The following RALGPS1 variants were observed in gnomAD, a reference collection of about 807,000 sequenced individuals.
RALGPS1 encodes Ral GEF with PH domain and SH3 binding motif 1, also known as ras-specific guanine nucleotide-releasing factor RalGPS1.
Under a neutral mutation model 78.8 loss-of-function variants are expected in RALGPS1, and 19 were observed. The ratio of observed to expected loss-of-function variants is 0.24; its 90% CI spans 0.17 to 0.35. RALGPS1 has a LOEUF of 0.35. Ranked by LOEUF, RALGPS1 falls within the 10% of genes least tolerant of loss-of-function variation. RALGPS1 has a pLI of 1.00. For synonymous variants in RALGPS1, 228 were observed against 256.3 expected (o/e 0.89, Z 1.06); for missense variants, 454 against 688.3 (o/e 0.66, Z 3.81).
chr9:127,107,897 G>A (rs375862069), intron 8 of RALGPS1: 17 of 1,517,028 alleles, frequency 1.1e-5, no homozygotes, highest in African/African-American at 8.3e-5. Flanking sequence ...CATGTAACAC[G>A]ATCCCAGAAG....
intron 8 of RALGPS1, among the ~76,000 whole-genome samples, chr9:127,095,130 G>C (rs1236650586): frequency 6.6e-6 from 1 of 152,224 alleles, no homozygotes; most frequent in Non-Finnish European, 1.5e-5. Context: ...CGGGCACGGT[G>C]GCTCACGCCT....
intron 2 of RALGPS1, among the ~76,000 whole-genome samples, chr9:126,963,976 C>T (rs1462551036): frequency 6.6e-6 from 1 of 152,196 alleles, no homozygotes; most frequent in Non-Finnish European, 1.5e-5. Flanking sequence ...CCAGCAGCAT[C>T]AGGAGAAATC....
chr9:127,193,225 A>T (rs961257755), intron 11 of RALGPS1, among the ~76,000 whole-genome samples: 4 of 152,182 alleles, frequency 2.6e-5, no homozygotes, highest in African/African-American at 9.7e-5. Context: ...GGAGGTGTGC[A>T]TGGCCACTGC....
intron 5 of RALGPS1, among the ~76,000 whole-genome samples, chr9:127,044,258 T>C (rs2047560941): frequency 6.6e-6 from 1 of 152,092 alleles, no homozygotes; most frequent in African/African-American, 2.4e-5. Flanking sequence ...ATGAATCTTT[T>C]TTTTTTTCTT....
rs745937909 is a variant in RALGPS1, at chr9:127,091,740, C to T, written c.610+22384C>T. On this transcript the variant is annotated intron_variant, in intron 8 of 18. Coordinates refer to ENST00000259351, the MANE Select transcript of RALGPS1 (RefSeq NM_014636.3). This position sits in a 1 kb window ranked among gnomAD's most constrained non-coding sequence, Gnocchi z 4.3. ...CGTTGTGCCATGTAAAGGAGTCACC[C>T]GCATTGCCATGGTAGCGCCCCAGCC... The T allele has an allele frequency of 1.1e-5, 18 of 1,613,954 alleles. No homozygotes were observed. Among genetic ancestry groups the T allele is most frequent in the Admixed American group, 1.0e-4 (6 of 59,992 alleles).
At position 126,962,360 on chromosome 9, in the gene RALGPS1, A is replaced by G. The variant is rs774030323; in HGVS notation, c.57+14A>G. ...GCCACTCCACAGGTACTGAGGCTGCAAGAATCGGGACAGTGGGTAGAGGGG... is the reference window on the plus strand; with the variant it reads ...GCCACTCCACAGGTACTGAGGCTGCGAGAATCGGGACAGTGGGTAGAGGGG... On this transcript the variant is annotated intron_variant, in intron 2 of 18. Transcript: ENST00000259351. 6.2e-7 allele frequency: 1 copy of G among 1,613,784 alleles called. No individual in the cohort carries two copies. The highest frequency in any genetic ancestry group is 8.5e-7 in the Non-Finnish European group (1 of 1,179,736).
At chr9:126,951,930 G>C (rs531095466) in intron 1 of RALGPS1, among the ~76,000 whole-genome samples, 1 of 152,208 alleles carries the variant, frequency 6.6e-6, no homozygotes, top group Admixed American at 6.5e-5. Flanking sequence ...CCCATTGTCT[G>C]AGCCCAAAAT....
chr9:126,939,686 C>T (rs1404739070), intron 1 of RALGPS1, among the ~76,000 whole-genome samples: 1 of 152,214 alleles, frequency 6.6e-6, no homozygotes, highest in Non-Finnish European at 1.5e-5. Flanking sequence ...GTTGGACTTC[C>T]AAGTCCTGTC....
At chr9:127,216,837 G>T (rs1241721683) in intron 18 of RALGPS1, 2 of 1,377,292 alleles carry the variant, frequency 1.5e-6, no homozygotes, top group African/African-American at 1.5e-5. Context: ...TGTGTCTGGG[G>T]TCCCTCAGTA....
intron 1 of RALGPS1, among the ~76,000 whole-genome samples, chr9:126,925,129 A>AAAATAAAT (rs545566022): frequency 2.0e-5 from 3 of 151,964 alleles, no homozygotes; most frequent in South Asian, 2.1e-4. Context: ...CTCCATCTCA[A>AAAATAAAT]AAATAAATAA....
At chr9:127,007,327 G>T (rs546127877) in intron 4 of RALGPS1, among the ~76,000 whole-genome samples, 1 of 152,184 alleles carries the variant, frequency 6.6e-6, no homozygotes, top group Non-Finnish European at 1.5e-5. Flanking sequence ...GTTATTCAAT[G>T]CCTTCTATGA....
chr9:127,185,249 TA>T (rs2060567712), intron 11 of RALGPS1, among the ~76,000 whole-genome samples: 1 of 152,136 alleles, frequency 6.6e-6, no homozygotes, highest in Non-Finnish European at 1.5e-5. Flanking sequence ...TGCCCCTTCC[TA>T]AAAATCTCTA....
chr9:127,217,368 A>C, intron 18 of RALGPS1: 1 of 999,392 alleles, frequency 1.0e-6, no homozygotes, highest in Non-Finnish European at 1.2e-6. Flanking sequence ...AGGATGATTT[A>C]AGTGAATCAC....
Position 127,091,678 on chromosome 9 carries a change from A to G in RALGPS1, c.610+22322A>G. 6.2e-7 allele frequency: 1 copy of G among 1,613,580 alleles called. No individual in the cohort carries two copies. ...GACTCCACTTTTCCTACCTGTGTAG[A>G]CATCATGATCTCTGTCCAGGGTGGT... On this transcript the variant is annotated intron_variant, in intron 8 of 18. Coordinates refer to ENST00000259351, the MANE Select transcript of RALGPS1 (RefSeq NM_014636.3). This position sits in a 1 kb window ranked among gnomAD's most constrained non-coding sequence, Gnocchi z 4.3.
At chr9:127,114,969 T>C (rs945256562) in intron 8 of RALGPS1, among the ~76,000 whole-genome samples, 1 of 152,146 alleles carries the variant, frequency 6.6e-6, no homozygotes, top group African/African-American at 2.4e-5. Flanking sequence ...TAGGGAAGTA[T>C]CCAAACCAGT....
At chr9:126,997,459 C>G (rs1227025831) in intron 4 of RALGPS1, among the ~76,000 whole-genome samples, 1 of 152,158 alleles carries the variant, frequency 6.6e-6, no homozygotes, top group Non-Finnish European at 1.5e-5. Flanking sequence ...ATCCAACTTA[C>G]AAGGGATGTG....
At chr9:127,140,746 A>C (rs927517464) in intron 8 of RALGPS1, among the ~76,000 whole-genome samples, 9 of 152,148 alleles carry the variant, frequency 5.9e-5, no homozygotes, top group East Asian at 3.8e-4. Context: ...ACCTCCCCCC[A>C]AAAAAATCTG....
At chr9:127,206,388 TAC>T (rs2061930871) in intron 14 of RALGPS1, among the ~76,000 whole-genome samples, 1 of 152,180 alleles carries the variant, frequency 6.6e-6, no homozygotes, top group Non-Finnish European at 1.5e-5. Context: ...TCAGGAAACT[TAC>T]AGTCATGGTG....
chr9:127,088,767 C>T lies in RALGPS1; in HGVS notation c.610+19411C>T, dbSNP rs370116348. The T allele has an allele frequency of 3.1e-4, 222 of 717,822 alleles. 2 individuals are homozygous for T. The South Asian group carries it at 3.8e-3, about 12-fold the overall frequency. 44.5% of individuals were successfully genotyped at this position (717,822 alleles called of 1,614,324 possible). A position where few individuals can be genotyped will look rare whatever the true frequency, so the allele number is the denominator to read the frequency against. On this transcript the variant is annotated intron_variant, in intron 8 of 18. Coordinates refer to ENST00000259351, the MANE Select transcript of RALGPS1 (RefSeq NM_014636.3). ...GGAAAGTAGGAGGGACAGAAAACAC[C>T]GTATCGATTCAGTTCCATCATCCGC...
Sources: gnomAD v4.1 joint callset for allele counts (sites outside exome capture counted in the v4.1 genomes callset) on GRCh38, gnomAD v4.1.1 for gene constraint, Gnocchi (gnomAD v3.1) non-coding constraint, MANE v1.5 for transcripts, NCBI Gene and HGNC (gene_info 2026-07-23, HGNC 2026-07-21) for gene names.